The following GCNT4 variants were observed in gnomAD, a reference collection of about 807,000 sequenced individuals.
GCNT4 encodes beta-1,3-galactosyl-O-glycosyl-glycoprotein beta-1,6-N-acetylglucosaminyltransferase 4.
A neutral mutation model predicts 31.3 loss-of-function variants in GCNT4; 17 were observed. The observed-to-expected ratio is 0.54, with a 90% CI of 0.37 to 0.81. The LOEUF is 0.81. GCNT4 is among the 40% of genes least tolerant of loss of function. The pLI is 0.00. For synonymous variants in GCNT4, 158 were observed against 190.6 expected, an observed-to-expected ratio of 0.83 and a Z score of 1.41; for missense variants, 503 against 525.5, an observed-to-expected ratio of 0.96 and a Z score of 0.42.
intron 3 of GCNT4, among the ~76,000 whole-genome samples, chr5:75,033,440 A>G (rs879265899): frequency 1.3e-5 from 2 of 152,212 alleles, no homozygotes; most frequent in Non-Finnish European, 2.9e-5. Flanking sequence ...GCCAGGAATG[A>G]GAGTGAATTT....
downstream of GCNT4, among the ~76,000 whole-genome samples, chr5:75,021,008 A>C (rs1264456089): frequency 6.6e-6 from 1 of 152,194 alleles, no homozygotes; most frequent in Non-Finnish European, 1.5e-5. Context: ...TTATGACTAC[A>C]AGGTAGTTTT....
intron 3 of GCNT4, among the ~76,000 whole-genome samples, chr5:75,042,655 T>A (rs1743347019): frequency 6.6e-6 from 1 of 152,210 alleles, no homozygotes; most frequent in South Asian, 2.1e-4. Context: ...GAGTTTAAAA[T>A]CATCACCCTG....
chr5:75,041,863 G>A lies in GCNT4; in HGVS notation c.-2+6034C>T, dbSNP rs766853195. ...ATGGCTAAAGTCTTTAGCAGGAAGT[G>A]TAAAGGGCCACATACAATGAAACTG... is the stretch of plus-strand genomic sequence containing the variant. On this transcript the variant is annotated intron_variant, in intron 3 of 3. Coordinates refer to ENST00000652361, the MANE Select transcript of GCNT4 (RefSeq NM_001366737.1). 3.3e-5 allele frequency among the ~76,000 whole-genome samples: 5 copies of A among 152,332 alleles called. No homozygotes were observed. In the East Asian group the frequency reaches 9.6e-4, roughly 29 times the overall value.
chr5:75,041,566 C>T (rs1368966319), intron 3 of GCNT4, among the ~76,000 whole-genome samples: 1 of 152,186 alleles, frequency 6.6e-6, no homozygotes, highest in Non-Finnish European at 1.5e-5. Flanking sequence ...GAGCCTCTCA[C>T]ATTTGGGCAG....
chr5:75,032,879 GTGTGTGT>G (rs1452734402), intron 3 of GCNT4, among the ~76,000 whole-genome samples: 25 of 63,238 alleles, frequency 4.0e-4, no homozygotes, highest in Admixed American at 3.3e-3. Context: ...AGGGGTGTGT[GTGTGTGT>G]GTGTGTGTGT....
At chr5:75,023,951 G>C (rs1742911369), downstream of GCNT4, 1 of 152,228 alleles carries the variant, frequency 6.6e-6, no homozygotes, top group Non-Finnish European at 1.5e-5. Flanking sequence ...TTGTATGTAA[G>C]GCCCGATGAA....
At position 75,025,895 on chromosome 5, in the gene GCNT4, A is replaced by C. The variant is rs1357316848; in HGVS notation, c.*2781T>G. 2.6e-5 allele frequency: 4 copies of C among 152,216 alleles called. No individual in the cohort carries two copies. Among genetic ancestry groups the C allele is most frequent in the African/African-American group, 9.7e-5 (4 of 41,444 alleles). 9.4% of individuals were successfully genotyped at this position (152,216 alleles called of 1,614,324 possible). A position where few individuals can be genotyped will look rare whatever the true frequency, so the allele number is the denominator to read the frequency against. On this transcript the variant is annotated 3_prime_UTR_variant, in exon 4 of 4. Transcript: ENST00000652361. ...TTCTGGTCTGATCTCTGAATAACTT[A>C]AAGTCTAGATTCAATAAATACAAAG...
At chr5:75,022,206 A>T (rs1742888084), downstream of GCNT4, among the ~76,000 whole-genome samples, 2 of 152,244 alleles carry the variant, frequency 1.3e-5, no homozygotes, top group South Asian at 4.1e-4. Context: ...GTATTTTATA[A>T]AATAGTTACA....
chr5:75,046,607 G>A (rs375539794), intron 3 of GCNT4, among the ~76,000 whole-genome samples: 37 of 152,206 alleles, frequency 2.4e-4, no homozygotes, highest in African/African-American at 7.7e-4. Flanking sequence ...GGACAAGCCC[G>A]GGCACAGCCA....
intron 3 of GCNT4, among the ~76,000 whole-genome samples, chr5:75,034,988 C>T (rs1743163764): frequency 2.2e-5 from 2 of 89,196 alleles, no homozygotes; most frequent in Non-Finnish European, 4.4e-5. Flanking sequence ...TAAGCGGACA[C>T]GACCGCATTC....
At chr5:75,046,421 A>T (rs1254834476) in intron 3 of GCNT4, among the ~76,000 whole-genome samples, 3 of 151,988 alleles carry the variant, frequency 2.0e-5, no homozygotes, top group African/African-American at 7.3e-5. Context: ...AACCACAGGA[A>T]CTCCGCTAGG....
upstream of GCNT4, among the ~76,000 whole-genome samples, chr5:75,053,052 G>A (rs1743620805): frequency 6.6e-6 from 1 of 151,992 alleles, no homozygotes; most frequent in Non-Finnish European, 1.5e-5. Context: ...CCGCCCGCGA[G>A]CCCAGGAAGC....
chr5:75,032,817 C>G (rs969589316), intron 3 of GCNT4, among the ~76,000 whole-genome samples: 1 of 150,648 alleles, frequency 6.6e-6, no homozygotes, highest in African/African-American at 2.4e-5. Context: ...AGCCTGGGCA[C>G]ATGTGTAGAA....
At chr5:75,053,335 G>C (rs1399938379), upstream of GCNT4, among the ~76,000 whole-genome samples, 1 of 152,052 alleles carries the variant, frequency 6.6e-6, no homozygotes, top group Non-Finnish European at 1.5e-5. Context: ...GCGCGGCTCC[G>C]AGAGGGCGCC....
Position 75,045,701 on chromosome 5 carries a change from C to T in GCNT4, c.-2+2196G>A, listed in dbSNP as rs916961661. ...GTTTCTATCCTGGTTGCCCATCCAT[C>T]CCACAAACATTTACTGTGTGCCTAC... On this transcript the variant is annotated intron_variant, in intron 3 of 3. Transcript: ENST00000652361. 3.3e-5 allele frequency among the ~76,000 whole-genome samples: 5 copies of T among 152,306 alleles called. 1 individual carries two copies. In the East Asian group the frequency reaches 5.8e-4, roughly 18 times the overall value.
chr5:75,019,697 T>C, the GCNT4 span, among the ~76,000 whole-genome samples: 1 of 152,206 alleles, frequency 6.6e-6, no homozygotes, highest in Non-Finnish European at 1.5e-5. Context: ...TGTAAGATTT[T>C]ATATATATAA....
intron 3 of GCNT4, 110 bp from the exon 4 acceptor site, chr5:75,030,148 GATGA>G: frequency 2.1e-6 from 2 of 970,820 alleles, no homozygotes; most frequent in Non-Finnish European, 3.1e-6. Flanking sequence ...CTGCCCCAAA[GATGA>G]ATGAAACAAG....
At chr5:75,051,904 C>T (rs1204564843) in intron 2 of GCNT4, among the ~76,000 whole-genome samples, 2 of 152,212 alleles carry the variant, frequency 1.3e-5, no homozygotes, top group Admixed American at 6.5e-5. Flanking sequence ...TGTTTCTCTC[C>T]TGATACCAGA....
rs775653495 is a variant in GCNT4, at chr5:75,028,943, C to G, written c.1095G>C (p.Lys365Asn). 6.2e-7 allele frequency: 1 copy of G among 1,613,862 alleles called. No homozygotes were observed. The highest frequency in any genetic ancestry group is 8.5e-7 in the Non-Finnish European group (1 of 1,180,024). Reference protein sequence around the residue: ...SAQDVSDLQSKTRLVKWNYYE... With the variant: ...SAQDVSDLQSNTRLVKWNYYE... The stretch of plus-strand genomic sequence containing the variant: ...AGTAATTCCACTTGACAAGGCGAGT[C>G]TTACTCTGCAGATCAGACACATCCT... The change falls in exon 4 of 4, where the codon AAG becomes AAC. Residue 365 changes from lysine (K) to asparagine (N), a missense_variant. Coordinates refer to ENST00000652361, the MANE Select transcript of GCNT4 (RefSeq NM_001366737.1).
Sources: allele counts gnomAD v4.1 joint callset (sites outside exome capture counted in the v4.1 genomes callset), GRCh38; gene constraint gnomAD v4.1.1; transcripts MANE v1.5; gene names NCBI Gene and HGNC (gene_info 2026-07-23, HGNC 2026-07-21).